The following SPPL3 variants were observed in gnomAD, a reference collection of about 807,000 sequenced individuals.
SPPL3 encodes the protein signal peptide peptidase-like 3.
SPPL3 carries 5 observed loss-of-function variants against 42.4 expected under a neutral mutation model. The observed-to-expected ratio is 0.12, with a 90% CI of 0.06 to 0.25. SPPL3 has a LOEUF of 0.25. Among genes scored for constraint, SPPL3 ranks in the 10% least tolerant of loss-of-function variants. The pLI, the probability that SPPL3 is intolerant of heterozygous loss-of-function variation, is 1.00. For missense variants in SPPL3, 235 were observed against 489.0 expected (o/e 0.48, Z 4.90); for synonymous variants, 195 against 181.8 (o/e 1.07, Z -0.58).
chr12:120,839,478 T>C (rs1032667516), intron 1 of SPPL3, among the ~76,000 whole-genome samples: 5 of 151,938 alleles, frequency 3.3e-5, no homozygotes, highest in Admixed American at 6.6e-5. Flanking sequence ...CTGTACATTG[T>C]GCACATGTAC....
At chr12:120,857,956 T>C (rs1335354728) in intron 1 of SPPL3, among the ~76,000 whole-genome samples, 1 of 152,180 alleles carries the variant, frequency 6.6e-6, no homozygotes, top group Non-Finnish European at 1.5e-5. Flanking sequence ...CCTGCACATG[T>C]ATCCTGGAAC....
intron 9 of SPPL3, among the ~76,000 whole-genome samples, 184 bp from the exon 10 acceptor site, chr12:120,766,556 C>A (rs766095538): frequency 6.6e-6 from 1 of 152,216 alleles, no homozygotes; most frequent in Non-Finnish European, 1.5e-5. Flanking sequence ...AAAACACCTA[C>A]AACTCCAAGG....
At chr12:120,865,686 G>A (rs138747756) in intron 1 of SPPL3, among the ~76,000 whole-genome samples, 1 of 152,312 alleles carries the variant, frequency 6.6e-6, no homozygotes, top group Non-Finnish European at 1.5e-5. Flanking sequence ...GACTAGGCAG[G>A]ATCCCCAGGG....
At chr12:120,896,092 G>A (rs889986158) in intron 1 of SPPL3, among the ~76,000 whole-genome samples, 11 of 152,070 alleles carry the variant, frequency 7.2e-5, no homozygotes, top group Non-Finnish European at 1.5e-4. Context: ...AACTCCAAAA[G>A]AGAGATAACT....
intron 1 of SPPL3, among the ~76,000 whole-genome samples, chr12:120,842,063 G>A (rs1457555234): frequency 6.6e-6 from 1 of 152,156 alleles, no homozygotes; most frequent in African/African-American, 2.4e-5. Flanking sequence ...TTGAGGATCT[G>A]CAGGCTGAAT....
In SPPL3 at chr12:120,783,658, A is replaced by G. The variant is rs55970240; in HGVS notation, c.389+16T>C. 50,668 of 1,583,032 alleles carry G rather than the reference A, an allele frequency of 0.032. 998 individuals carry two copies. Among genetic ancestry groups the G allele is most frequent in the South Asian group, 0.048 (4,077 of 84,586 alleles). The stretch of plus-strand genomic sequence containing the variant: ...ATACAAGTTTATAATTTAAGAGGAA[A>G]GTCCCAAGTCCTTACTTGTTCTGAG... On this transcript the variant is annotated intron_variant, in intron 5 of 10. Transcript: ENST00000353487.
intron 1 of SPPL3, among the ~76,000 whole-genome samples, chr12:120,848,038 T>C (rs1872100982): frequency 6.6e-6 from 1 of 152,190 alleles, no homozygotes; most frequent in African/African-American, 2.4e-5. Flanking sequence ...TCTAGTCTTG[T>C]TCATCACACT....
chr12:120,821,739 G>A (rs1013190898), intron 1 of SPPL3, among the ~76,000 whole-genome samples: 1 of 152,058 alleles, frequency 6.6e-6, no homozygotes, highest in Non-Finnish European at 1.5e-5. Context: ...CTAAAGCCTA[G>A]GTATTTGCCC....
At chr12:120,871,446 T>C (rs1872929514) in intron 1 of SPPL3, among the ~76,000 whole-genome samples, 1 of 152,090 alleles carries the variant, frequency 6.6e-6, no homozygotes. Flanking sequence ...AAAATTCACA[T>C]ATGCTAAAGT....
chr12:120,807,369 C>T (rs1379795159), intron 2 of SPPL3, among the ~76,000 whole-genome samples: 3 of 151,856 alleles, frequency 2.0e-5, no homozygotes, highest in African/African-American at 7.3e-5. Context: ...AAAAATAGCC[C>T]CTAACAATTA....
At chr12:120,834,349 T>C (rs1295959883) in intron 1 of SPPL3, among the ~76,000 whole-genome samples, 2 of 152,120 alleles carry the variant, frequency 1.3e-5, no homozygotes, top group African/African-American at 2.4e-5. Context: ...TGATCGGTGG[T>C]CCATGAAGTC....
At chr12:120,844,049 T>C in intron 1 of SPPL3, among the ~76,000 whole-genome samples, 1 of 152,218 alleles carries the variant, frequency 6.6e-6, no homozygotes, top group East Asian at 1.9e-4. Context: ...TGTAGCCCTG[T>C]CTTCTTCCTG....
intron 1 of SPPL3, among the ~76,000 whole-genome samples, chr12:120,900,679 A>C (rs1860474374): frequency 6.6e-6 from 1 of 151,762 alleles, no homozygotes; most frequent in Non-Finnish European, 1.5e-5. Flanking sequence ...GGCCAATCCC[A>C]GGCAGACTGC....
At chr12:120,899,661 C>A (rs1277316677) in intron 1 of SPPL3, among the ~76,000 whole-genome samples, 3 of 151,892 alleles carry the variant, frequency 2.0e-5, no homozygotes, top group Non-Finnish European at 4.4e-5. Context: ...GAGGCTGAGG[C>A]GGGAGGATCA....
chr12:120,790,321 T>C (rs1869871935), intron 3 of SPPL3, among the ~76,000 whole-genome samples: 1 of 152,252 alleles, frequency 6.6e-6, no homozygotes, highest in African/African-American at 2.4e-5. Context: ...TGACTGGGTC[T>C]GTGCCCGGTG....
intron 1 of SPPL3, among the ~76,000 whole-genome samples, chr12:120,887,176 C>T (rs961039598): frequency 6.6e-6 from 1 of 152,028 alleles, no homozygotes; most frequent in African/African-American, 2.4e-5. Context: ...TCTCGAACTC[C>T]TGACCTCATG....
At chr12:120,826,412 C>G (rs1269899703) in intron 1 of SPPL3, among the ~76,000 whole-genome samples, 9 of 152,030 alleles carry the variant, frequency 5.9e-5, no homozygotes, top group African/African-American at 9.7e-5. Context: ...GACTGGGCAT[C>G]GAAATCCCAA....
At chr12:120,845,634 T>A (rs1041379159) in intron 1 of SPPL3, 2 of 424,064 alleles carry the variant, frequency 4.7e-6, no homozygotes, top group African/African-American at 4.2e-5. Flanking sequence ...CTTGAAGACG[T>A]TGGCAAAGAT....
chr12:120,856,358 T>C (rs551101545), intron 1 of SPPL3, among the ~76,000 whole-genome samples: 20 of 151,860 alleles, frequency 1.3e-4, no homozygotes, highest in African/African-American at 4.8e-4. Flanking sequence ...CTCGGAAATG[T>C]TGCAGTTGTC....
Sources: gnomAD v4.1 joint callset for allele counts (sites outside exome capture counted in the v4.1 genomes callset) on GRCh38, gnomAD v4.1.1 for gene constraint, MANE v1.5 for transcripts, NCBI Gene and HGNC (gene_info 2026-07-23, HGNC 2026-07-21) for gene names.